MYO1H: variants seen among roughly 807,000 people sequenced by gnomAD.
MYO1H encodes unconventional myosin-Ih.
MYO1H carries 118 observed loss-of-function variants against 149.3 expected under a neutral mutation model. The observed-to-expected ratio is 0.79, with a 90% CI of 0.68 to 0.92. MYO1H has a LOEUF of 0.92. Among genes scored for constraint, MYO1H ranks in the 40% least tolerant of loss-of-function variants. MYO1H has a pLI of 0.00. For synonymous variants in MYO1H, 447 were observed against 465.2 expected (o/e 0.96, Z 0.50); for missense variants, 1,212 against 1,280.7 (o/e 0.95, Z 0.82).
At chr12:109,331,385 CT>C in the MYO1H span, among the ~76,000 whole-genome samples, 3 of 147,242 alleles carry the variant, frequency 2.0e-5, no homozygotes, top group African/African-American at 7.5e-5. Flanking sequence ...TTTCCAAGGC[CT>C]TTTGGGGACT....
chr12:109,388,267 T>C (rs1319413558), intron 1 of MYO1H, among the ~76,000 whole-genome samples: 1 of 152,140 alleles, frequency 6.6e-6, no homozygotes, highest in Non-Finnish European at 1.5e-5. Context: ...GAGTCCATGG[T>C]TGTCAGGAAA....
chr12:109,354,755 A>C (rs1295531686), intron 1 of MYO1H, among the ~76,000 whole-genome samples: 1 of 152,212 alleles, frequency 6.6e-6, no homozygotes, highest in African/African-American at 2.4e-5. Context: ...TTCTGGCTAA[A>C]GAGCTTGTAT....
At chr12:109,438,440 C>T (rs1592819611) in intron 22 of MYO1H, 96 bp from the exon 23 acceptor site, 1 of 914,248 alleles carries the variant, frequency 1.1e-6, no homozygotes, top group South Asian at 1.4e-5. Context: ...GGTGGGCGTC[C>T]AGATGTTTGT....
At chr12:109,363,431 C>T (rs1318744543) in intron 1 of MYO1H, among the ~76,000 whole-genome samples, 2 of 152,104 alleles carry the variant, frequency 1.3e-5, no homozygotes, top group African/African-American at 2.4e-5. Context: ...GAGGGAGCGT[C>T]GGCCGGGCGC....
chr12:109,362,098 T>C (rs1868767889), intron 1 of MYO1H, among the ~76,000 whole-genome samples: 1 of 152,222 alleles, frequency 6.6e-6, no homozygotes, highest in African/African-American at 2.4e-5. Context: ...ATAGACAATA[T>C]CATTTATTGC....
At chr12:109,381,414 C>G (rs1208899459) in intron 1 of MYO1H, among the ~76,000 whole-genome samples, 2 of 152,046 alleles carry the variant, frequency 1.3e-5, no homozygotes, top group Non-Finnish European at 2.9e-5. Context: ...ATCCTATCTC[C>G]AAAATAACAA....
At chr12:109,381,741 G>C (rs1367111260) in intron 1 of MYO1H, among the ~76,000 whole-genome samples, 1 of 152,108 alleles carries the variant, frequency 6.6e-6, no homozygotes, top group Non-Finnish European at 1.5e-5. Context: ...GACAAGAATT[G>C]CTTTAACCCA....
chr12:109,424,011 C>G (rs1871269851), intron 16 of MYO1H, among the ~76,000 whole-genome samples: 1 of 152,226 alleles, frequency 6.6e-6, no homozygotes, highest in Non-Finnish European at 1.5e-5. Context: ...CTGCTCTCAC[C>G]TTTGTATTGT....
the MYO1H span, among the ~76,000 whole-genome samples, chr12:109,321,421 C>T: frequency 4.6e-5 from 7 of 151,750 alleles, no homozygotes; most frequent in Admixed American, 6.6e-5. Flanking sequence ...GGTGTGGTGA[C>T]GGGCGCCTGT....
chr12:109,376,792 A>G (rs924519482), intron 1 of MYO1H, among the ~76,000 whole-genome samples: 2 of 152,186 alleles, frequency 1.3e-5, no homozygotes, highest in African/African-American at 4.8e-5. Flanking sequence ...GTCCTTTGCA[A>G]TTTCACAAAA....
intron 1 of MYO1H, among the ~76,000 whole-genome samples, chr12:109,376,329 AAATG>A (rs1869087105): frequency 6.6e-6 from 1 of 152,252 alleles, no homozygotes; most frequent in Non-Finnish European, 1.5e-5. Context: ...TATTTCATAT[AAATG>A]AAGTCATATA....
At chr12:109,318,539 A>G in the MYO1H span, among the ~76,000 whole-genome samples, 1 of 152,206 alleles carries the variant, frequency 6.6e-6, no homozygotes, top group Non-Finnish European at 1.5e-5. Flanking sequence ...TGCTTCCCCA[A>G]TAAATGATGA....
chr12:109,322,890 C>T, the MYO1H span, among the ~76,000 whole-genome samples: 151 of 150,190 alleles, frequency 1.0e-3, 1 homozygote, highest in African/African-American at 3.6e-3. Flanking sequence ...AGGCAGATCA[C>T]GAGGTCAGGA....
intron 1 of MYO1H, among the ~76,000 whole-genome samples, chr12:109,349,405 A>G (rs540334902): frequency 5.3e-5 from 8 of 152,094 alleles, no homozygotes; most frequent in Non-Finnish European, 1.2e-4. Flanking sequence ...GCTTGTGCCT[A>G]TAATCCTAGC....
intron 1 of MYO1H, among the ~76,000 whole-genome samples, chr12:109,378,431 C>T (rs1869131649): frequency 6.6e-6 from 1 of 152,058 alleles, no homozygotes; most frequent in Non-Finnish European, 1.5e-5. Context: ...AGCAATCCTC[C>T]CACCTCAGCC....
chr12:109,375,860 C>T (rs6606703), intron 1 of MYO1H, among the ~76,000 whole-genome samples: 75,545 of 151,730 alleles, frequency 0.5, 19,447 homozygotes, highest in African/African-American at 0.62. Context: ...GTGCCTGTGG[C>T]CTCAACTACT....
At chr12:109,348,116 G>A in intron 1 of MYO1H, 144 bp downstream of exon 1, 1 of 397,638 alleles carries the variant, frequency 2.5e-6, no homozygotes, top group Non-Finnish European at 4.4e-6. Flanking sequence ...TTTATTTGAT[G>A]AAAAATTCTA....
chr12:109,310,833 A>C, the MYO1H span, among the ~76,000 whole-genome samples: 2 of 152,196 alleles, frequency 1.3e-5, no homozygotes, highest in South Asian at 4.1e-4. Context: ...AAAAAGATGT[A>C]GTTTACAGAT....
the MYO1H span, among the ~76,000 whole-genome samples, chr12:109,323,911 G>A: frequency 2.0e-5 from 3 of 152,138 alleles, no homozygotes; most frequent in East Asian, 5.8e-4. Context: ...CAGATGTGGT[G>A]GCTAATGCTT....
Sources: allele counts gnomAD v4.1 joint callset (sites outside exome capture counted in the v4.1 genomes callset), GRCh38; gene constraint gnomAD v4.1.1; transcripts MANE v1.5; gene names NCBI Gene and HGNC (gene_info 2026-07-23, HGNC 2026-07-21).